LMBR1: variants seen among roughly 807,000 people sequenced by gnomAD.
The protein encoded by LMBR1 is limb development membrane protein 1, also known as limb region 1 protein homolog.
LMBR1 carries 52 observed loss-of-function variants against 73.9 expected under a neutral mutation model. The ratio of observed to expected loss-of-function variants is 0.70; its 90% confidence interval spans 0.56 to 0.89. LMBR1 has a LOEUF of 0.89. Ranked by LOEUF, LMBR1 falls within the 40% of genes least tolerant of loss-of-function variation. The pLI is 0.00. For missense variants in LMBR1, 539 were observed against 579.8 expected (o/e 0.93, Z 0.72); for synonymous variants, 215 against 209.4 (o/e 1.03, Z -0.23).
chr7:156,695,716 G>A (rs905194302), intron 15 of LMBR1, among the ~76,000 whole-genome samples: 5 of 152,072 alleles, frequency 3.3e-5, no homozygotes, highest in African/African-American at 1.2e-4. Flanking sequence ...TGAGATCTGG[G>A]TGAGGACATA....
chr7:156,704,544 C>G (rs1233346062), intron 15 of LMBR1, among the ~76,000 whole-genome samples: 1 of 150,042 alleles, frequency 6.7e-6, no homozygotes, highest in Non-Finnish European at 1.5e-5. Flanking sequence ...CTGAAAAAGC[C>G]AAGGCAATAT....
intron 15 of LMBR1, among the ~76,000 whole-genome samples, chr7:156,719,123 T>TCC (rs373665026): frequency 7.4e-6 from 1 of 135,564 alleles, no homozygotes; most frequent in Non-Finnish European, 1.6e-5. Context: ...CCTAATGCTA[T>TCC]CCCCCCCCTC....
intron 4 of LMBR1, among the ~76,000 whole-genome samples, chr7:156,797,974 C>G (rs1009140782): frequency 1.7e-5 from 2 of 120,532 alleles, no homozygotes; most frequent in Admixed American, 9.0e-5. Flanking sequence ...TATTTTCCAG[C>G]CTTTAAAAAA....
intron 5 of LMBR1, among the ~76,000 whole-genome samples, chr7:156,787,578 T>C (rs572895209): frequency 6.5e-4 from 99 of 152,284 alleles, no homozygotes; most frequent in Admixed American, 2.1e-3. Context: ...AATTTAACAA[T>C]ATTTTTGAAA....
intron 1 of LMBR1, among the ~76,000 whole-genome samples, chr7:156,874,874 G>A (rs559683415): frequency 7.9e-5 from 12 of 152,186 alleles, no homozygotes; most frequent in Non-Finnish European, 1.3e-4. Context: ...CCATTAATAC[G>A]ACAAAGAAAA....
intron 1 of LMBR1, among the ~76,000 whole-genome samples, chr7:156,838,757 T>C (rs920039731): frequency 6.6e-6 from 1 of 152,218 alleles, no homozygotes; most frequent in Non-Finnish European, 1.5e-5. Context: ...CTGGGTCATA[T>C]GGCAGCTCTA....
chr7:156,702,357 G>A (rs1331456770), intron 15 of LMBR1, among the ~76,000 whole-genome samples: 1 of 152,114 alleles, frequency 6.6e-6, no homozygotes, highest in Non-Finnish European at 1.5e-5. Context: ...GTTCTGATTT[G>A]CATTTCTCTA....
intron 4 of LMBR1, among the ~76,000 whole-genome samples, chr7:156,820,431 C>T (rs1834577787): frequency 6.6e-6 from 1 of 152,160 alleles, no homozygotes; most frequent in African/African-American, 2.4e-5. Flanking sequence ...TAATATCACA[C>T]TGGCCCATTA....
chr7:156,827,529 A>G (rs974713931), intron 3 of LMBR1, among the ~76,000 whole-genome samples: 1 of 152,168 alleles, frequency 6.6e-6, no homozygotes, highest in Non-Finnish European at 1.5e-5. Flanking sequence ...TCACCTTCTC[A>G]GTTACACATT....
intron 15 of LMBR1, among the ~76,000 whole-genome samples, chr7:156,715,646 C>CT (rs1358554396): frequency 1.3e-5 from 2 of 152,310 alleles, no homozygotes; most frequent in African/African-American, 4.8e-5. Context: ...CCCATTCCTC[C>CT]TCACCCTAGT....
intron 1 of LMBR1, among the ~76,000 whole-genome samples, chr7:156,844,084 G>A (rs1226311283): frequency 6.6e-6 from 1 of 152,058 alleles, no homozygotes. Flanking sequence ...AGTACTTTTG[G>A]GAGGCCGAGG....
intron 9 of LMBR1, among the ~76,000 whole-genome samples, chr7:156,750,677 A>ATT: frequency 6.6e-6 from 1 of 152,282 alleles, no homozygotes; most frequent in Non-Finnish European, 1.5e-5. Flanking sequence ...TCATCTATTA[A>ATT]TTTACTTATG....
chr7:156,757,861 A>G (rs1822196626), intron 8 of LMBR1, among the ~76,000 whole-genome samples: 1 of 152,190 alleles, frequency 6.6e-6, no homozygotes, highest in South Asian at 2.1e-4. Context: ...GTCCCCTATG[A>G]CCTAGCACTG....
intron 1 of LMBR1, among the ~76,000 whole-genome samples, chr7:156,840,207 G>A (rs1838406359): frequency 6.6e-6 from 1 of 152,186 alleles, no homozygotes; most frequent in African/African-American, 2.4e-5. Flanking sequence ...AGTGAACAAA[G>A]TTATAGCCCT....
intron 6 of LMBR1, 45 bp downstream of exon 6, chr7:156,763,624 T>C: frequency 3.9e-6 from 6 of 1,520,138 alleles, no homozygotes; most frequent in Non-Finnish European, 4.4e-6. Context: ...TATCCCAAAC[T>C]ACAGTTTCCA....
At chr7:156,707,695 T>C (rs548996995) in intron 15 of LMBR1, among the ~76,000 whole-genome samples, 2 of 152,240 alleles carry the variant, frequency 1.3e-5, no homozygotes, top group South Asian at 2.1e-4. Flanking sequence ...CCTCCACAGA[T>C]TAAGCATGCA....
intron 5 of LMBR1, among the ~76,000 whole-genome samples, chr7:156,774,813 C>T (rs919795565): frequency 6.6e-6 from 1 of 151,950 alleles, no homozygotes; most frequent in African/African-American, 2.4e-5. Flanking sequence ...GCCTGGGTGA[C>T]AAGAGCGAGA....
intron 3 of LMBR1, among the ~76,000 whole-genome samples, chr7:156,831,882 A>G (rs1836759919): frequency 6.6e-6 from 1 of 152,228 alleles, no homozygotes; most frequent in Admixed American, 6.5e-5. Flanking sequence ...GAGAGGAGAA[A>G]GGTATGTATC....
intron 1 of LMBR1, among the ~76,000 whole-genome samples, chr7:156,868,301 C>A (rs1410814651): frequency 1.3e-5 from 2 of 150,330 alleles, no homozygotes; most frequent in African/African-American, 4.9e-5. Flanking sequence ...TCAAGTAATT[C>A]TCCTGCCTTA....
Sources: gnomAD v4.1 joint callset for allele counts (sites outside exome capture counted in the v4.1 genomes callset) on GRCh38, gnomAD v4.1.1 for gene constraint, MANE v1.5 for transcripts, NCBI Gene and HGNC (gene_info 2026-07-23, HGNC 2026-07-21) for gene names.